PRX: variants seen among roughly 807,000 people sequenced by gnomAD.
PRX encodes the protein periaxin.
In PRX, 24 loss-of-function variants were observed where a neutral mutation model predicts 29.6. The observed-to-expected ratio is 0.81, with a 90% CI of 0.59 to 1.14. PRX has a LOEUF of 1.14. Ranked by LOEUF, PRX falls within the 50% of genes most tolerant of loss-of-function variation. The probability of loss-of-function intolerance (pLI) is 0.00; values close to 1 mark genes in which losing one functional copy is unlikely to be tolerated. For missense variants in PRX, 1,838 were observed against 1,926.4 expected (o/e 0.95, Z 0.86); for synonymous variants, 772 against 831.7 (o/e 0.93, Z 1.24).
chr19:40,405,212 C>G (rs1182107223), intron 4 of PRX, among the ~76,000 whole-genome samples: 2 of 152,098 alleles, frequency 1.3e-5, no homozygotes, highest in African/African-American at 4.8e-5. Flanking sequence ...GGCCCAGAAG[C>G]CACTATGGGA....
At chr19:40,399,904 TTTTTCTTTC>T (rs200673790) in intron 5 of PRX, among the ~76,000 whole-genome samples, 3,311 of 65,912 alleles carry the variant, frequency 0.05, 51 homozygotes, top group Admixed American at 0.058. Context: ...TCTTTCTTTC[TTTTTCTTTC>T]TTTCTTTCTT....
At chr19:40,402,348 C>T (rs1037244792) in intron 5 of PRX, among the ~76,000 whole-genome samples, 13 of 151,146 alleles carry the variant, frequency 8.6e-5, no homozygotes, top group African/African-American at 2.9e-4. Flanking sequence ...AGCAAGACTC[C>T]GTCTCAAAAT....
chr19:40,396,709 A>C lies in PRX; in HGVS notation c.1643T>G (p.Leu548Arg). 1 of 1,613,146 alleles carries C rather than the reference A, an allele frequency of 6.2e-7. No individual in the cohort carries two copies. The highest frequency in any genetic ancestry group is 8.5e-7 in the Non-Finnish European group (1 of 1,179,904). Reference protein sequence around the residue: ...VPEVRLPEVQLPKVSEMKLPE... With the variant: ...VPEVRLPEVQRPKVSEMKLPE... ...GAGTTTCATCTCTGACACTTTCGGCAGCTGTACCTCTGGAAGCCGCACCTC... is the reference window on the plus strand; with the variant it reads ...GAGTTTCATCTCTGACACTTTCGGCCGCTGTACCTCTGGAAGCCGCACCTC... The change falls in exon 7 of 7, where the codon CTG (leucine) becomes CGG (arginine). Residue 548 changes from leucine (L) to arginine (R), a missense_variant. Transcript: ENST00000324001.
intron 5 of PRX, among the ~76,000 whole-genome samples, chr19:40,401,419 G>A (rs184227633): frequency 3.3e-5 from 5 of 152,116 alleles, no homozygotes. Context: ...TGGCTTCCCC[G>A]AGTGCTGGGA....
intron 5 of PRX, among the ~76,000 whole-genome samples, chr19:40,401,791 G>A (rs1179142078): frequency 7.5e-5 from 11 of 146,758 alleles, no homozygotes; most frequent in Admixed American, 2.7e-4. Context: ...TTTTTTAGGC[G>A]GAGTTTTGCT....
At chr19:40,412,273 G>C (rs1335651979) in intron 1 of PRX, among the ~76,000 whole-genome samples, 2 of 152,146 alleles carry the variant, frequency 1.3e-5, no homozygotes, top group African/African-American at 4.8e-5. Context: ...AGGGGGTCAG[G>C]GGGAGTTAAG....
chr19:40,404,874 C>T (rs995205378), intron 4 of PRX, among the ~76,000 whole-genome samples: 3 of 152,060 alleles, frequency 2.0e-5, no homozygotes, highest in Non-Finnish European at 4.4e-5. Flanking sequence ...GCATCTGGCC[C>T]GGAGACCCAT....
At chr19:40,408,974 G>A (rs1288930682) in intron 1 of PRX, among the ~76,000 whole-genome samples, 2 of 151,886 alleles carry the variant, frequency 1.3e-5, no homozygotes, top group Admixed American at 1.3e-4. Context: ...GGGACTACAG[G>A]CACGCACCTT....
chr19:40,397,731 C>A lies in PRX; in HGVS notation c.621G>T (p.Leu207=). 1 of 1,561,202 alleles carries A rather than the reference C, an allele frequency of 6.4e-7. No individual in the cohort carries two copies. Among genetic ancestry groups the A allele is most frequent in the Non-Finnish European group, 8.7e-7 (1 of 1,155,938 alleles). Residue 207 remains leucine (L), a synonymous_variant, in exon 7 of 7, where the codon CTG becomes CTT. Transcript: ENST00000324001. ...TCCTGGGGGGAGGAGCGGCGGCGGC[C>A]AGCCGGGCTGCCTGAGCCTCTTCGG... ...EVAEEAQAAR[L]AAAAPPPRKA...
rs780130687 is a variant in PRX at position 40,394,566 on chromosome 19, C to T, written c.3786G>A (p.Glu1262=). 6.2e-7 allele frequency: 1 copy of T among 1,608,740 alleles called. No individual in the cohort carries two copies. Among genetic ancestry groups the T allele is most frequent in the East Asian group, 2.2e-5 (1 of 44,724 alleles). ...ARARVGGEGA[E]EQPPGAERTF... ...TACGCTCGGCCCCTGGGGGCTGCTC[C>T]TCAGCACCCTCGCCCCCCACCCTAG... Residue 1262 remains glutamate, a synonymous_variant, in exon 7 of 7, where the codon GAG becomes GAA. Coordinates refer to ENST00000324001, the MANE Select transcript of PRX (RefSeq NM_181882.3). This position sits in a 1 kb window ranked among gnomAD's most constrained non-coding sequence, Gnocchi z 5.8.
At chr19:40,410,612 C>A (rs1437561678) in intron 1 of PRX, among the ~76,000 whole-genome samples, 2 of 152,212 alleles carry the variant, frequency 1.3e-5, no homozygotes, top group African/African-American at 4.8e-5. Context: ...GTGGCTTAGG[C>A]CTGTAATCCC....
In PRX at chr19:40,403,875, G is replaced by A; in HGVS notation, c.28-13C>T. ...CCCGCCTCAGCTCCTGCAGAGGGCGGCGAGGTGTCGCGTTGGGGCTCTAGG... is the reference window on the plus strand; with the variant it reads ...CCCGCCTCAGCTCCTGCAGAGGGCGACGAGGTGTCGCGTTGGGGCTCTAGG... On this transcript the variant is annotated splice_polypyrimidine_tract_variant and intron_variant, in intron 4 of 6. Transcript: ENST00000324001. 1 of 1,605,178 alleles carries A rather than the reference G, an allele frequency of 6.2e-7. No homozygotes were observed. The highest frequency in any genetic ancestry group is 8.5e-7 in the Non-Finnish European group (1 of 1,178,602).
At chr19:40,411,559 C>T (rs765155743) in intron 1 of PRX, among the ~76,000 whole-genome samples, 18 of 152,112 alleles carry the variant, frequency 1.2e-4, no homozygotes, top group Non-Finnish European at 1.9e-4. Flanking sequence ...GAAGTTCAGG[C>T]GGGGCAGGGA....
intron 5 of PRX, among the ~76,000 whole-genome samples, chr19:40,400,758 G>T (rs1292777616): frequency 1.3e-5 from 2 of 151,948 alleles, no homozygotes; most frequent in Non-Finnish European, 2.9e-5. Context: ...GCCTCTTAAA[G>T]ACACACTACC....
intron 5 of PRX, among the ~76,000 whole-genome samples, chr19:40,402,149 G>A (rs1568713362): frequency 6.6e-6 from 1 of 151,910 alleles, no homozygotes; most frequent in South Asian, 2.1e-4. Flanking sequence ...TCAGAAGATG[G>A]AGACCATCCT....
chr19:40,407,913 C>A lies in PRX; in HGVS notation c.20G>T (p.Ser7Ile), dbSNP rs1433314169. 6.2e-7 allele frequency: 1 copy of A among 1,613,620 alleles called. No homozygotes were observed. The highest frequency in any genetic ancestry group is 1.3e-5 in the African/African-American group (1 of 74,950). Reference protein sequence around the residue: MEARSRSAEELRRAELV... With the variant: MEARSRIAEELRRAELV... ...GGACACGTGGGCACTCACCTCGGCA[C>A]TCCGGCTCCTGGCCTCCATGGCGTT... is the stretch of plus-strand genomic sequence containing the variant. Residue 7 changes from serine (S) to isoleucine (I), a missense_variant, in exon 4 of 7, where the codon AGT (serine) becomes ATT (isoleucine). Physicochemically the swap from Ser to Ile is moderately radical, Grantham distance 142. This residue lies in a region of PRX where 666 missense variants were observed against 665.0 expected (regional missense o/e 1.00). Coordinates refer to ENST00000324001, the MANE Select transcript of PRX (RefSeq NM_181882.3).
At position 40,394,594 on chromosome 19, in the gene PRX, C is replaced by T. The variant is rs770192776; in HGVS notation, c.3758G>A (p.Arg1253Lys). 4 of 1,608,820 alleles carry T rather than the reference C, an allele frequency of 2.5e-6. No homozygotes were observed. The African/African-American group carries it at 4.0e-5, about 16-fold the overall frequency. Reference protein sequence around the residue: ...LRLKLPTLGARARVGGEGAEE... With the variant: ...LRLKLPTLGAKARVGGEGAEE... ...AGCACCCTCGCCCCCCACCCTAGCT[C>T]TGGCCCCCAGTGTGGGCAACTTCAG... Residue 1253 changes from arginine (R) to lysine (K), a missense_variant, in exon 7 of 7, where the codon AGA becomes AAA. Transcript: ENST00000324001. This position sits in a 1 kb window ranked among gnomAD's most constrained non-coding sequence, Gnocchi z 5.8.
rs1568711858 is a variant in PRX, at chr19:40,399,895, C to CTTTCTTTCTTTCT, written c.185-1080_185-1079insAGAAAGAAAGAAA. Among the ~76,000 whole-genome samples the CTTTCTTTCTTTCT allele has an allele frequency of 5.6e-5, 4 of 71,080 alleles. No homozygotes were observed. In the East Asian group the frequency reaches 9.3e-4, roughly 17 times the overall value. The allele number at this position is 71,080 out of a possible 152,430, so 46.6% of individuals were successfully genotyped here. A position where few individuals can be genotyped will look rare whatever the true frequency, so the allele number is the denominator to read the frequency against. On this transcript the variant is annotated intron_variant, in intron 5 of 6. Transcript: ENST00000324001. ...TCTTTCTTTCTTTCTTTCTTTCTTT[C>CTTTCTTTCTTTCT]TTTCTTTCTTTTTCTTTCTTTCTTT...
chr19:40,414,189 C>T (rs1394758439), upstream of PRX, among the ~76,000 whole-genome samples: 1 of 152,110 alleles, frequency 6.6e-6, no homozygotes, highest in Non-Finnish European at 1.5e-5. Flanking sequence ...GTGGTGTGAT[C>T]ATGGCTCACT....
Sources: allele counts gnomAD v4.1 joint callset (sites outside exome capture counted in the v4.1 genomes callset), GRCh38; gene constraint gnomAD v4.1.1; regional missense constraint gnomAD v4.1.1; non-coding constraint Gnocchi (gnomAD v3.1); transcripts MANE v1.5; gene names NCBI Gene and HGNC (gene_info 2026-07-23, HGNC 2026-07-21).